Variants in ACIN1 observed in about 807,000 individuals in gnomAD.
ACIN1 encodes apoptotic chromatin condensation inducer in the nucleus.
In ACIN1, 16 loss-of-function variants were observed where a neutral mutation model predicts 146.6. The ratio of observed to expected loss-of-function variants is 0.11; its 90% CI spans 0.07 to 0.17. The LOEUF (loss-of-function observed/expected upper bound fraction) is 0.17, where lower values mean the gene tolerates loss of function less well. Among genes scored for constraint, ACIN1 ranks in the 10% least tolerant of loss-of-function variants. The probability of loss-of-function intolerance (pLI) is 1.00; values close to 1 mark genes in which losing one functional copy is unlikely to be tolerated. For synonymous variants in ACIN1, 569 were observed against 582.7 expected, an observed-to-expected ratio of 0.98 and a Z score of 0.34; for missense variants, 1,357 against 1,609.3, an observed-to-expected ratio of 0.84 and a Z score of 2.68.
At chr14:23,079,209 C>T (rs1179959296) in intron 6 of ACIN1, among the ~76,000 whole-genome samples, 171 bp from the exon 7 acceptor site, 1 of 152,168 alleles carries the variant, frequency 6.6e-6, no homozygotes, top group Non-Finnish European at 1.5e-5. Context: ...TCCTTGACCA[C>T]TTATTTAACA....
At chr14:23,087,376 AT>A (rs2048114373) in intron 4 of ACIN1, among the ~76,000 whole-genome samples, 1 of 152,030 alleles carries the variant, frequency 6.6e-6, no homozygotes. Context: ...ACTGAAGAGC[AT>A]TTACGGCAAT....
In ACIN1 at chr14:23,059,115, T is replaced by C. The variant is rs200537293; in HGVS notation, c.*33A>G. ...GTGGCCATAACCCCCTGGGGCCGAG[T>C]GGCTGGTACCTGCAGCTCTAGTGTT... On this transcript the variant is annotated 3_prime_UTR_variant, in exon 19 of 19. Transcript: ENST00000605057. 6.2e-7 allele frequency: 1 copy of C among 1,603,976 alleles called. No homozygotes were observed. The highest frequency in any genetic ancestry group is 8.5e-7 in the Non-Finnish European group (1 of 1,174,104).
At chr14:23,080,942 G>C in intron 5 of ACIN1, 133 bp from the exon 6 acceptor site, 1 of 1,461,304 alleles carries the variant, frequency 6.8e-7, no homozygotes, top group South Asian at 1.5e-5. Context: ...AAACAGGAGT[G>C]ACAGGAGACA....
chr14:23,062,632 G>C, intron 14 of ACIN1, 109 bp from the exon 15 acceptor site: 1 of 1,084,192 alleles, frequency 9.2e-7, no homozygotes, highest in Non-Finnish European at 1.4e-6. Context: ...GTTTGGGGGA[G>C]GGCAGAGAGT....
chr14:23,062,910 G>C lies in ACIN1; in HGVS notation c.2883+19C>G, dbSNP rs759822825. 1 of 1,594,150 alleles carries C rather than the reference G, an allele frequency of 6.3e-7. No homozygotes were observed. The highest frequency in any genetic ancestry group is 2.2e-5 in the East Asian group (1 of 44,696). ...CTTAACCACTAAGCAAGCTGGGATG[G>C]TGAGAAACAATGACTTACCAAATTG... On this transcript the variant is annotated intron_variant, in intron 14 of 18. Transcript: ENST00000605057.
At chr14:23,079,084 T>C (rs138724468) in intron 6 of ACIN1, 46 bp from the exon 7 acceptor site, 2 of 1,549,906 alleles carry the variant, frequency 1.3e-6, no homozygotes, top group South Asian at 2.4e-5. Context: ...TTGTATATGG[T>C]ATATATTCAG....
chr14:23,069,334 C>A (rs761550548), intron 9 of ACIN1, 142 bp downstream of exon 9: 120 of 1,392,862 alleles, frequency 8.6e-5, no homozygotes, highest in Non-Finnish European at 1.1e-4. Flanking sequence ...CGAATTCTCC[C>A]TTGGCCCTAT....
intron 2 of ACIN1, among the ~76,000 whole-genome samples, chr14:23,091,377 C>A (rs2048222037): frequency 6.6e-6 from 1 of 151,932 alleles, no homozygotes. Flanking sequence ...AGTGGGAAGA[C>A]TGCTTGAGCT....
intron 4 of ACIN1, among the ~76,000 whole-genome samples, chr14:23,082,465 A>C (rs1398519878): frequency 1.2e-5 from 1 of 81,602 alleles, no homozygotes; most frequent in African/African-American, 5.3e-5. Flanking sequence ...TTTTTTTCTG[A>C]GATGGAGTCT....
intron 14 of ACIN1, 23 bp downstream of exon 14, chr14:23,062,906 G>T: frequency 6.3e-7 from 1 of 1,591,380 alleles, no homozygotes; most frequent in Non-Finnish European, 8.6e-7. Flanking sequence ...AGCAAGCTGG[G>T]ATGGTGAGAA....
intron 8 of ACIN1, among the ~76,000 whole-genome samples, chr14:23,070,841 G>A (rs1215815530): frequency 1.3e-5 from 2 of 152,030 alleles, no homozygotes; most frequent in Non-Finnish European, 2.9e-5. Context: ...TAGGGGGAGG[G>A]GAAAATCGGA....
rs2047923359 is a variant in ACIN1 at position 23,080,704 on chromosome 14, T to C, written c.631A>G (p.Thr211Ala). Residue 211 changes from threonine to alanine, a missense_variant, in exon 6 of 19, where the codon ACA becomes GCA. Transcript: ENST00000605057. ...LRVRADRNLK[T>A]EEEEEEEEEE... Reference sequence around the variant, plus strand: ...TCCTCCTCCTCTTCTTCCTCCTCTGTTTTCAAATTTCGATCTGCTCTGACC... The same window carrying C: ...TCCTCCTCCTCTTCTTCCTCCTCTGCTTTCAAATTTCGATCTGCTCTGACC... 1 of 1,613,852 alleles carries C rather than the reference T, an allele frequency of 6.2e-7. No individual in the cohort carries two copies. The highest frequency in any genetic ancestry group is 8.5e-7 in the Non-Finnish European group (1 of 1,180,002).
intron 4 of ACIN1, among the ~76,000 whole-genome samples, chr14:23,082,106 G>A (rs1376282211): frequency 6.6e-6 from 1 of 152,132 alleles, no homozygotes; most frequent in South Asian, 2.1e-4. Flanking sequence ...TCAAATAAAT[G>A]TAAAATAATT....
intron 4 of ACIN1, among the ~76,000 whole-genome samples, chr14:23,089,439 A>G (rs2048171530): frequency 2.0e-5 from 3 of 152,198 alleles, no homozygotes; most frequent in Admixed American, 2.0e-4. Context: ...GCTCCCTACT[A>G]TAATATGCTC....
At chr14:23,090,410 A>G in intron 3 of ACIN1, 112 bp downstream of exon 3, 2 of 966,568 alleles carry the variant, frequency 2.1e-6, no homozygotes, top group Non-Finnish European at 3.1e-6. Flanking sequence ...GCAAGTAAGT[A>G]GCAGTCTCAG....
At position 23,078,804 on chromosome 14, in the gene ACIN1, G is replaced by T; in HGVS notation, c.2007+16C>A. On this transcript the variant is annotated intron_variant, in intron 7 of 18. Transcript: ENST00000605057. ...AATCCTCCATCTCTGTGTAGGGAGG[G>T]GTCACAATAGCCTACCCGCTCAGGC... 1 of 1,609,978 alleles carries T rather than the reference G, an allele frequency of 6.2e-7. No homozygotes were observed. Among genetic ancestry groups the T allele is most frequent in the South Asian group, 1.1e-5 (1 of 90,834 alleles).
Position 23,079,019 on chromosome 14 carries a change from G to A in ACIN1, c.1808C>T (p.Ser603Phe), listed in dbSNP as rs1311224074. 1 of 1,614,134 alleles carries A rather than the reference G, an allele frequency of 6.2e-7. No homozygotes were observed. Among genetic ancestry groups the A allele is most frequent in the African/African-American group, 1.3e-5 (1 of 75,046 alleles). Reference protein sequence around the residue: ...NSRKSLSPGVSRDSSTSYTET... With the variant: ...NSRKSLSPGVFRDSSTSYTET... Reference sequence around the variant, plus strand: ...AGTATAGCTGGTGCTGCTGTCCCTGGAGACTCCAGGGCTCAGAGACTAAAA... The same window carrying A: ...AGTATAGCTGGTGCTGCTGTCCCTGAAGACTCCAGGGCTCAGAGACTAAAA... Residue 603 changes from serine (S) to phenylalanine (F), a missense_variant, in exon 7 of 19, where the codon TCC becomes TTC. Physicochemically the swap from Ser to Phe is radical, Grantham distance 155. Coordinates refer to ENST00000605057, the MANE Select transcript of ACIN1 (RefSeq NM_001386863.1).
rs779151740 is a variant in ACIN1, at chr14:23,090,125, G to A, written c.317-24C>T. The A allele has an allele frequency of 1.9e-6, 3 of 1,608,096 alleles. No homozygotes were observed. In the South Asian group the frequency reaches 3.3e-5, roughly 18 times the overall value. ...TTCTGCAAAGTACAGATCGGGTCGG[G>A]GCAGGGAGGGAGTGAAGGACTCAGC... On this transcript the variant is annotated intron_variant, in intron 3 of 18. Coordinates refer to ENST00000605057, the MANE Select transcript of ACIN1 (RefSeq NM_001386863.1).
Position 23,064,361 on chromosome 14 carries a change from T to C in ACIN1, c.2436A>G (p.Ser812=). The C allele has an allele frequency of 6.2e-7, 1 of 1,614,220 alleles. No homozygotes were observed. The highest frequency in any genetic ancestry group is 8.5e-7 in the Non-Finnish European group (1 of 1,180,028). Residue 812 remains serine (S), a synonymous_variant, in exon 11 of 19, where the codon TCA becomes TCG. Transcript: ENST00000605057. ...KKPSISITTE[S]LKSLIPDIKP... is the part of the protein sequence containing the mutation. ...CTGGCTCCTCCCACCTCACCTTTAG[T>C]GATTCAGTGGTGATACTGATGGAAG...
Sources: gnomAD v4.1 joint callset for allele counts (sites outside exome capture counted in the v4.1 genomes callset) on GRCh38, gnomAD v4.1.1 for gene constraint, MANE v1.5 for transcripts, NCBI Gene and HGNC (gene_info 2026-07-23, HGNC 2026-07-21) for gene names.